Variants in EIF3E observed in about 807,000 individuals in gnomAD.
EIF3E encodes eIF-3 p48.
EIF3E carries 25 observed loss-of-function variants against 59.3 expected under a neutral mutation model. The ratio of observed to expected loss-of-function variants is 0.42; its 90% CI spans 0.31 to 0.59. EIF3E has a LOEUF of 0.59. Ranked by LOEUF, EIF3E falls within the 20% of genes least tolerant of loss-of-function variation. The probability of loss-of-function intolerance (pLI) is 0.15; values close to 1 mark genes in which losing one functional copy is unlikely to be tolerated. For synonymous variants in EIF3E, 176 were observed against 170.2 expected (o/e 1.03, Z -0.26); for missense variants, 317 against 534.3 (o/e 0.59, Z 4.01).
intron 10 of EIF3E, among the ~76,000 whole-genome samples, chr8:108,203,876 C>T (rs1321098121): frequency 3.9e-5 from 6 of 152,034 alleles, no homozygotes; most frequent in Admixed American, 1.3e-4. Context: ...TCCATATCCA[C>T]AGGTTCCACA....
chr8:108,224,887 C>A (rs1815490942), intron 7 of EIF3E, among the ~76,000 whole-genome samples: 1 of 151,600 alleles, frequency 6.6e-6, no homozygotes, highest in Admixed American at 6.6e-5. Context: ...CACCACCACA[C>A]TTTTGCAGTT....
intron 1 of EIF3E, among the ~76,000 whole-genome samples, chr8:108,244,528 T>C (rs1312879915): frequency 1.3e-5 from 2 of 152,148 alleles, no homozygotes; most frequent in Non-Finnish European, 2.9e-5. Context: ...TCATCATGTA[T>C]CTCATCTCCA....
intron 7 of EIF3E, 60 bp from the exon 8 acceptor site, chr8:108,217,520 C>T (rs1041618571): frequency 4.2e-6 from 6 of 1,414,698 alleles, no homozygotes; most frequent in East Asian, 2.5e-5. Context: ...AGAAAACTCT[C>T]GAGCAGGTCA....
intron 10 of EIF3E, among the ~76,000 whole-genome samples, chr8:108,204,255 T>C (rs1815049647): frequency 6.6e-6 from 1 of 152,044 alleles, no homozygotes; most frequent in African/African-American, 2.4e-5. Flanking sequence ...CTTGTACAGA[T>C]ATATTTACAG....
intron 8 of EIF3E, among the ~76,000 whole-genome samples, chr8:108,217,027 C>T (rs916850069): frequency 6.6e-6 from 1 of 152,034 alleles, no homozygotes; most frequent in African/African-American, 2.4e-5. Flanking sequence ...AGGTAATGAC[C>T]CCCACCTCCA....
At chr8:108,202,955 G>A in intron 12 of EIF3E, 28 bp downstream of exon 12, 1 of 1,600,910 alleles carries the variant, frequency 6.2e-7, no homozygotes, top group Non-Finnish European at 8.5e-7. Context: ...CTAAACCCCA[G>A]ACAGAATAGA....
chr8:108,203,432 G>A lies in EIF3E; in HGVS notation c.1133C>T (p.Ala378Val), dbSNP rs375203318. 1.8e-5 allele frequency: 29 copies of A among 1,612,204 alleles called. No individual in the cohort carries two copies. In the African/African-American group the frequency reaches 3.3e-4, roughly 19 times the overall value. The change falls in exon 11 of 13, where the codon GCA becomes GTA. Residue 378 changes from alanine (A) to valine (V), a missense_variant. Physicochemically the swap from Ala to Val is moderately conservative, Grantham distance 64. Coordinates refer to ENST00000220849, the MANE Select transcript of EIF3E (RefSeq NM_001568.3). ...AGAATCAATCTTGGCATCCAGTCTT[G>A]CATTTCTAATCAAATTTACAATCCA... ...ERWIVNLIRN[A>V]RLDAKIDSKL... is the part of the protein sequence containing the mutation.
intron 10 of EIF3E, among the ~76,000 whole-genome samples, chr8:108,212,277 G>T (rs1353365667): frequency 6.6e-6 from 1 of 152,096 alleles, no homozygotes; most frequent in African/African-American, 2.4e-5. Context: ...TATTACATTT[G>T]AAAATAAGTC....
At chr8:108,212,790 G>A (rs753254242) in intron 10 of EIF3E, among the ~76,000 whole-genome samples, 1 of 143,076 alleles carries the variant, frequency 7.0e-6, no homozygotes, top group African/African-American at 2.7e-5. Context: ...CAACAGTGCA[G>A]GACTGTGTCT....
chr8:108,243,872 C>A (rs1815893861), intron 1 of EIF3E, among the ~76,000 whole-genome samples: 1 of 152,018 alleles, frequency 6.6e-6, no homozygotes, highest in Admixed American at 6.6e-5. Context: ...TAAAAACATT[C>A]TTTTCCAAGC....
At chr8:108,216,551 C>A in intron 8 of EIF3E, 38 bp from the exon 9 acceptor site, 1 of 1,422,010 alleles carries the variant, frequency 7.0e-7, no homozygotes, top group South Asian at 1.2e-5. Flanking sequence ...AAGTCTGATT[C>A]AACATTGTTT....
chr8:108,244,103 G>T (rs1257402250), intron 1 of EIF3E, among the ~76,000 whole-genome samples: 1 of 152,054 alleles, frequency 6.6e-6, no homozygotes, highest in Non-Finnish European at 1.5e-5. Flanking sequence ...TGAAAAACGA[G>T]AATCAAATTT....
At chr8:108,233,592 A>G in intron 5 of EIF3E, 1 of 311,212 alleles carries the variant, frequency 3.2e-6, no homozygotes, top group Non-Finnish European at 6.6e-6. Flanking sequence ...TGTAAATCCC[A>G]AAGCATTGAA....
At chr8:108,242,073 C>A in intron 1 of EIF3E, 160 bp from the exon 2 acceptor site, 1 of 1,411,038 alleles carries the variant, frequency 7.1e-7, no homozygotes, top group South Asian at 1.4e-5. Context: ...AGCAATATGG[C>A]AAGCAACCAA....
At chr8:108,213,017 G>C (rs1036473519) in intron 10 of EIF3E, among the ~76,000 whole-genome samples, 4 of 152,068 alleles carry the variant, frequency 2.6e-5, no homozygotes, top group Non-Finnish European at 4.4e-5. Flanking sequence ...AGAGATCAAG[G>C]AAGTAATAAA....
At chr8:108,203,214 C>T (rs538275491) in intron 11 of EIF3E, 97 bp from the exon 12 acceptor site, 20,434 of 925,320 alleles carry the variant, frequency 0.022, 181 homozygotes, top group Non-Finnish European at 0.026. Context: ...TATTTTAATG[C>T]ACTGTATAGA....
At chr8:108,214,166 A>G (rs1231142849) in intron 10 of EIF3E, among the ~76,000 whole-genome samples, 1 of 152,172 alleles carries the variant, frequency 6.6e-6, no homozygotes, top group Non-Finnish European at 1.5e-5. Flanking sequence ...GGAGTTTACT[A>G]TAGGAGAAGT....
At chr8:108,240,312 A>C (rs1815810739) in intron 2 of EIF3E, among the ~76,000 whole-genome samples, 1 of 152,198 alleles carries the variant, frequency 6.6e-6, no homozygotes, top group African/African-American at 2.4e-5. Context: ...CTCTTGAGGG[A>C]AACTAGAGAA....
Position 108,236,149 on chromosome 8 carries a change from TA to T in EIF3E, c.366+11del. 6.2e-7 allele frequency: 1 copy of T among 1,603,294 alleles called. No homozygotes were observed. The highest frequency in any genetic ancestry group is 2.2e-5 in the East Asian group (1 of 44,550). ...AAACATGACAACTTTAAAATATTTT[TA>T]AAACACTTACACCATGCTTGTCCGC... On this transcript the variant is annotated intron_variant, in intron 4 of 12. Transcript: ENST00000220849.
Sources: allele counts gnomAD v4.1 joint callset (sites outside exome capture counted in the v4.1 genomes callset), GRCh38; gene constraint gnomAD v4.1.1; transcripts MANE v1.5; gene names NCBI Gene and HGNC (gene_info 2026-07-23, HGNC 2026-07-21).